The following TPH2 variants were observed in gnomAD, a reference collection of about 807,000 sequenced individuals.
TPH2 encodes the protein tryptophan 5-hydroxylase 2.
TPH2 carries 27 observed loss-of-function variants against 59.1 expected under a neutral mutation model. That is an observed-to-expected ratio of 0.46 (90% confidence interval 0.34 to 0.63). The LOEUF (loss-of-function observed/expected upper bound fraction) is 0.63. Ranked by LOEUF, TPH2 falls within the 30% of genes least tolerant of loss-of-function variation. The probability of loss-of-function intolerance (pLI) is 0.01; values close to 1 mark genes in which losing one functional copy is unlikely to be tolerated. For missense variants in TPH2, 523 were observed against 588.3 expected, an observed-to-expected ratio of 0.89 and a Z score of 1.15; for synonymous variants, 220 against 210.5, an observed-to-expected ratio of 1.05 and a Z score of -0.39.
intron 7 of TPH2, among the ~76,000 whole-genome samples, chr12:71,992,148 T>A (rs1036912999): frequency 6.6e-6 from 1 of 152,258 alleles, no homozygotes; most frequent in Non-Finnish European, 1.5e-5. Context: ...TTACTTGTGC[T>A]AGCTAGCTTG....
At chr12:71,958,258 G>A (rs1871568774) in intron 5 of TPH2, among the ~76,000 whole-genome samples, 1 of 152,156 alleles carries the variant, frequency 6.6e-6, no homozygotes, top group South Asian at 2.1e-4. Context: ...TAGTTTCTGA[G>A]TAAGGTCACT....
intron 7 of TPH2, among the ~76,000 whole-genome samples, chr12:71,993,002 G>A (rs1184997560): frequency 6.6e-6 from 1 of 152,198 alleles, no homozygotes; most frequent in East Asian, 1.9e-4. Context: ...TTCAGTTCAT[G>A]TACCAAAAAA....
At chr12:72,005,030 C>G (rs998883947) in intron 8 of TPH2, among the ~76,000 whole-genome samples, 1 of 152,098 alleles carries the variant, frequency 6.6e-6, no homozygotes, top group Non-Finnish European at 1.5e-5. Flanking sequence ...TTGCAATTTG[C>G]TTAGAGTTTT....
At chr12:72,022,586 C>A in intron 9 of TPH2, 92 bp downstream of exon 9, 1 of 991,518 alleles carries the variant, frequency 1.0e-6, no homozygotes, top group South Asian at 1.3e-5. Flanking sequence ...TTTCTACTCA[C>A]AGATACTCCA....
chr12:72,021,301 A>G (rs1873407275), intron 8 of TPH2, among the ~76,000 whole-genome samples: 1 of 151,986 alleles, frequency 6.6e-6, no homozygotes, highest in Non-Finnish European at 1.5e-5. Context: ...AATTGAAGAT[A>G]TTAATGTCCT....
chr12:71,941,865 G>A (rs1321225863), intron 2 of TPH2, 132 bp downstream of exon 2: 22 of 1,038,320 alleles, frequency 2.1e-5, no homozygotes, highest in Admixed American at 1.4e-4. Flanking sequence ...ACCAAACTTC[G>A]TGAGGCTTTA....
chr12:71,963,522 G>T (rs1871738826), intron 5 of TPH2, among the ~76,000 whole-genome samples: 1 of 48,472 alleles, frequency 2.1e-5, no homozygotes, highest in African/African-American at 5.8e-5. Context: ...TAAAAAATCT[G>T]CTTAGTGGCT....
In TPH2 at chr12:71,962,700, C is replaced by G. The variant is rs139656901; in HGVS notation, c.609-9819C>G. On this transcript the variant is annotated intron_variant, in intron 5 of 10. Coordinates refer to ENST00000333850, the MANE Select transcript of TPH2 (RefSeq NM_173353.4). ...TTAGGCTGATTGATTGATTTACTCACTTAACAAATATTATTTTTTTGTTTT... is the reference window on the plus strand; with the variant it reads ...TTAGGCTGATTGATTGATTTACTCAGTTAACAAATATTATTTTTTTGTTTT... 4.6e-3 allele frequency: 4,471 copies of G among 974,036 alleles called. 13 individuals are homozygous for G. Among genetic ancestry groups the G allele is most frequent in the Middle Eastern group, 0.011 (20 of 1,880 alleles). 60.3% of individuals were successfully genotyped at this position (974,036 alleles called of 1,614,324 possible).
chr12:71,978,892 C>T lies in TPH2; in HGVS notation c.806-60C>T, dbSNP rs1592395816. ...TCCTTATAAATAGTAGAAGCTCCTG[C>T]TTGGGCCCTCAAGTCTTGCTGGGTT... On this transcript the variant is annotated intron_variant, in intron 6 of 10. Transcript: ENST00000333850. The T allele has an allele frequency of 6.8e-6, 11 of 1,607,624 alleles. No homozygotes were observed. The East Asian group carries it at 2.5e-4, about 36-fold the overall frequency.
chr12:71,994,415 T>A, intron 7 of TPH2, 24 bp from the exon 8 acceptor site: 9 of 1,613,420 alleles, frequency 5.6e-6, no homozygotes, highest in Non-Finnish European at 7.6e-6. Flanking sequence ...ATTTAACACG[T>A]CTTTGTGATG....
At chr12:71,956,292 T>A (rs1002377229) in intron 5 of TPH2, among the ~76,000 whole-genome samples, 4 of 152,166 alleles carry the variant, frequency 2.6e-5, no homozygotes, top group Admixed American at 2.6e-4. Context: ...ATAGACCAAC[T>A]GTGACACACT....
chr12:71,987,968 A>C (rs1393740688), intron 7 of TPH2, among the ~76,000 whole-genome samples: 1 of 152,224 alleles, frequency 6.6e-6, no homozygotes, highest in Non-Finnish European at 1.5e-5. Flanking sequence ...TACATTTATT[A>C]ATTAAAATTA....
At chr12:72,023,932 G>T (rs1490684992) in intron 9 of TPH2, among the ~76,000 whole-genome samples, 1 of 151,882 alleles carries the variant, frequency 6.6e-6, no homozygotes, top group Non-Finnish European at 1.5e-5. Context: ...AGAACCCAAT[G>T]AGATAAGGGA....
intron 8 of TPH2, among the ~76,000 whole-genome samples, chr12:72,003,786 T>A (rs998824092): frequency 6.6e-6 from 1 of 152,220 alleles, no homozygotes; most frequent in African/African-American, 2.4e-5. Context: ...TTGCCCACTA[T>A]GTTCAGAAAC....
At chr12:71,986,549 T>C (rs1336592360) in intron 7 of TPH2, among the ~76,000 whole-genome samples, 1 of 152,154 alleles carries the variant, frequency 6.6e-6, no homozygotes, top group Admixed American at 6.5e-5. Flanking sequence ...TGTCTAACTG[T>C]CTGCTGGAGC....
At chr12:71,994,693 C>A in intron 8 of TPH2, 128 bp downstream of exon 8, 1 of 1,183,992 alleles carries the variant, frequency 8.4e-7, no homozygotes, top group East Asian at 2.6e-5. Flanking sequence ...TTACCTTTTC[C>A]TATGTTGTAT....
At position 71,948,219 on chromosome 12, in the gene TPH2, A is replaced by C. The variant is rs145670688; in HGVS notation, c.541-1369A>C. 3.1e-4 allele frequency among the ~76,000 whole-genome samples: 47 copies of C among 151,746 alleles called. 1 individual carries two copies. In the East Asian group the frequency reaches 8.9e-3, roughly 29 times the overall value. ...ATACCCAAACTTCAAGGACTGTGGT[A>C]AGTATTTTGTAAAATTTTTTATATA... On this transcript the variant is annotated intron_variant, in intron 4 of 10. Transcript: ENST00000333850.
Position 71,960,464 on chromosome 12 carries a change from A to G in TPH2, c.608+10809A>G, listed in dbSNP as rs1011639428. ...AAGTATTTAAAATACTTCAGGCTTT[A>G]TGGGAGAATCATTTTCATGCCAAGT... On this transcript the variant is annotated intron_variant, in intron 5 of 10. Transcript: ENST00000333850. Among the ~76,000 whole-genome samples the G allele has an allele frequency of 2.0e-5, 3 of 152,248 alleles. No individual in the cohort carries two copies. In the South Asian group the frequency reaches 6.2e-4, roughly 31 times the overall value.
chr12:72,007,193 A>G (rs144675381), intron 8 of TPH2, among the ~76,000 whole-genome samples: 13 of 152,306 alleles, frequency 8.5e-5, no homozygotes, highest in Admixed American at 7.2e-4. Flanking sequence ...CTCCCCTAAG[A>G]GATGTCGAGC....
Sources: allele counts gnomAD v4.1 joint callset (sites outside exome capture counted in the v4.1 genomes callset), GRCh38; gene constraint gnomAD v4.1.1; transcripts MANE v1.5; gene names NCBI Gene and HGNC (gene_info 2026-07-23, HGNC 2026-07-21).